TGFBR2: variants seen among roughly 807,000 people sequenced by gnomAD.
TGFBR2 encodes transforming growth factor beta receptor 2, also known as TGF-beta receptor type-2.
A neutral mutation model predicts 49.0 loss-of-function variants in TGFBR2; 18 were observed. The observed-to-expected ratio is 0.37, with a 90% confidence interval of 0.25 to 0.54. The LOEUF is 0.54. TGFBR2 is among the 20% of genes least tolerant of loss of function. TGFBR2 has a pLI of 0.85. For missense variants in TGFBR2, 525 were observed against 722.6 expected (o/e 0.73, Z 3.13); for synonymous variants, 282 against 275.9 (o/e 1.02, Z -0.22).
intron 1 of TGFBR2, chr3:30,623,417 G>A (rs918116501): frequency 2.3e-5 from 25 of 1,066,038 alleles, no homozygotes; most frequent in East Asian, 7.4e-5. Flanking sequence ...TTAAAGAGGC[G>A]ATGGCAGTGT....
At chr3:30,622,282 C>T (rs1698243737) in intron 1 of TGFBR2, among the ~76,000 whole-genome samples, 1 of 152,158 alleles carries the variant, frequency 6.6e-6, no homozygotes, top group Non-Finnish European at 1.5e-5. Flanking sequence ...CTTGTGCTCT[C>T]TAAATTGAAC....
At chr3:30,681,118 G>A (rs1699530781) in intron 5 of TGFBR2, among the ~76,000 whole-genome samples, 1 of 147,366 alleles carries the variant, frequency 6.8e-6, no homozygotes, top group South Asian at 2.2e-4. Flanking sequence ...CTCCAAGAAG[G>A]GCTCCTTAGT....
chr3:30,613,575 A>G (rs1451640199), intron 1 of TGFBR2, among the ~76,000 whole-genome samples: 1 of 151,976 alleles, frequency 6.6e-6, no homozygotes, highest in African/African-American at 2.4e-5. Flanking sequence ...ACAGAGAGCG[A>G]GCTTGGGTGT....
At chr3:30,678,026 A>T (rs932707532) in intron 5 of TGFBR2, among the ~76,000 whole-genome samples, 4 of 152,136 alleles carry the variant, frequency 2.6e-5, no homozygotes, top group African/African-American at 9.7e-5. Flanking sequence ...CCATTTTTTT[A>T]AAATCAGCAG....
chr3:30,639,754 C>A (rs563261342), intron 1 of TGFBR2, among the ~76,000 whole-genome samples: 2 of 152,038 alleles, frequency 1.3e-5, no homozygotes, highest in African/African-American at 2.4e-5. Context: ...AGTTTCCCCC[C>A]ACAAAAAACA....
intron 1 of TGFBR2, among the ~76,000 whole-genome samples, chr3:30,610,988 C>T (rs750628292): frequency 9.2e-5 from 14 of 152,172 alleles, no homozygotes; most frequent in Admixed American, 5.2e-4. Flanking sequence ...TCTTTTAAGA[C>T]GTAGTTCAAG....
At chr3:30,670,050 A>G (rs1302274115) in intron 3 of TGFBR2, among the ~76,000 whole-genome samples, 1 of 152,092 alleles carries the variant, frequency 6.6e-6, no homozygotes, top group Non-Finnish European at 1.5e-5. Context: ...TCCTTTTCTG[A>G]CACGGAGTTT....
At chr3:30,660,853 T>C (rs150333223) in intron 3 of TGFBR2, among the ~76,000 whole-genome samples, 194 of 152,328 alleles carry the variant, frequency 1.3e-3, no homozygotes, top group South Asian at 8.3e-3. Context: ...GTTTGGGTGC[T>C]ACTGCCTTGG....
intron 5 of TGFBR2, among the ~76,000 whole-genome samples, chr3:30,680,724 G>A (rs919370366): frequency 3.9e-5 from 6 of 152,150 alleles, no homozygotes; most frequent in Non-Finnish European, 5.9e-5. Flanking sequence ...TTTCAGAATT[G>A]TTTGAAGTAA....
chr3:30,649,733 A>G (rs1284746152), intron 2 of TGFBR2, among the ~76,000 whole-genome samples: 1 of 152,030 alleles, frequency 6.6e-6, no homozygotes, highest in African/African-American at 2.4e-5. Context: ...CAAGGAGTAT[A>G]CCCTTTACAC....
intron 1 of TGFBR2, among the ~76,000 whole-genome samples, chr3:30,619,919 G>A (rs1698196364): frequency 6.6e-6 from 1 of 151,440 alleles, no homozygotes; most frequent in Non-Finnish European, 1.5e-5. Flanking sequence ...CAGGCGTGGT[G>A]GCTTATGCCT....
intron 3 of TGFBR2, among the ~76,000 whole-genome samples, chr3:30,670,924 C>T (rs987403220): frequency 8.5e-5 from 13 of 152,224 alleles, no homozygotes; most frequent in African/African-American, 2.7e-4. Flanking sequence ...TCCATGGACT[C>T]CTCTCCCTGT....
chr3:30,629,497 C>T (rs987098839), intron 1 of TGFBR2, among the ~76,000 whole-genome samples: 1 of 152,192 alleles, frequency 6.6e-6, no homozygotes. Flanking sequence ...CTGTTTATAC[C>T]CTCCATACCT....
At chr3:30,663,041 G>T (rs1699166250) in intron 3 of TGFBR2, among the ~76,000 whole-genome samples, 1 of 152,034 alleles carries the variant, frequency 6.6e-6, no homozygotes, top group African/African-American at 2.4e-5. Flanking sequence ...GCTGGTCTGC[G>T]GGCACACTTA....
At chr3:30,691,389 T>C in intron 6 of TGFBR2, 31 bp from the exon 7 acceptor site, 4 of 1,613,164 alleles carry the variant, frequency 2.5e-6, no homozygotes, top group Non-Finnish European at 3.4e-6. Context: ...CACCAACTCA[T>C]GGTGCCCTTT....
At chr3:30,683,936 C>T (rs1483012341) in intron 5 of TGFBR2, among the ~76,000 whole-genome samples, 1 of 152,206 alleles carries the variant, frequency 6.6e-6, no homozygotes, top group East Asian at 1.9e-4. Flanking sequence ...TGCTTTCTAA[C>T]CTCCTCTCGC....
intron 1 of TGFBR2, among the ~76,000 whole-genome samples, chr3:30,631,000 CCTTAGTGGGAT>C (rs1698426671): frequency 3.3e-5 from 5 of 150,700 alleles, no homozygotes; most frequent in Non-Finnish European, 5.9e-5. Flanking sequence ...AAGTTACCAA[CCTTAGTGGGAT>C]TGCTAGGACT....
intron 2 of TGFBR2, 80 bp downstream of exon 2, chr3:30,644,995 ATC>A: frequency 7.7e-7 from 1 of 1,298,498 alleles, no homozygotes; most frequent in South Asian, 1.2e-5. Flanking sequence ...CAGTCAGTGT[ATC>A]TCTGTCTCCT....
chr3:30,650,353 C>A lies in TGFBR2; in HGVS notation c.347C>A (p.Ala116Asp), dbSNP rs779603895. 6.2e-7 allele frequency: 1 copy of A among 1,613,854 alleles called. No homozygotes were observed. Among genetic ancestry groups the A allele is most frequent in the Non-Finnish European group, 8.5e-7 (1 of 1,179,918 alleles). The part of the protein sequence containing the change: ...LPYHDFILED[A>D]ASPKCIMKEK... ...TACCATGACTTTATTCTGGAAGATGCTGCTTCTCCAAAGTGCATTATGAAG... is the reference window on the plus strand; with the variant it reads ...TACCATGACTTTATTCTGGAAGATGATGCTTCTCCAAAGTGCATTATGAAG... Residue 116 changes from alanine to aspartate, a missense_variant, in exon 3 of 7, where the codon GCT becomes GAT. This residue lies in a region of TGFBR2 where 376 missense variants were observed against 478.2 expected (regional missense o/e 0.79). Transcript: ENST00000295754.
Sources: allele counts gnomAD v4.1 joint callset (sites outside exome capture counted in the v4.1 genomes callset), GRCh38; gene constraint gnomAD v4.1.1; regional missense constraint gnomAD v4.1.1; transcripts MANE v1.5; gene names NCBI Gene and HGNC (gene_info 2026-07-23, HGNC 2026-07-21).